Variants in USH2A observed in about 807,000 individuals in gnomAD.
USH2A encodes usherin.
In USH2A, 443 loss-of-function variants were observed where a neutral mutation model predicts 538.9. The ratio of observed to expected loss-of-function variants is 0.82; its 90% CI spans 0.76 to 0.89. USH2A has a LOEUF of 0.89. Among genes scored for constraint, USH2A ranks in the 40% least tolerant of loss-of-function variants. The probability of loss-of-function intolerance (pLI) is 0.00; values close to 1 mark genes in which losing one functional copy is unlikely to be tolerated. For missense variants in USH2A, 6,633 were observed against 6,324.8 expected (o/e 1.05, Z -1.65); for synonymous variants, 2,413 against 2,273.5 (o/e 1.06, Z -1.75).
intron 9 of USH2A, among the ~76,000 whole-genome samples, chr1:216,319,891 A>C (rs960788969): frequency 7.2e-5 from 11 of 152,168 alleles, no homozygotes; most frequent in African/African-American, 2.7e-4. Context: ...TCCTAAAATA[A>C]ATTTCACAGA....
At chr1:216,016,713 T>C (rs1668720826) in intron 32 of USH2A, among the ~76,000 whole-genome samples, 1 of 152,152 alleles carries the variant, frequency 6.6e-6, no homozygotes, top group Non-Finnish European at 1.5e-5. Context: ...ACACTCCTAA[T>C]TGTTGAATAG....
intron 70 of USH2A, chr1:215,629,895 C>T: frequency 3.5e-6 from 1 of 285,980 alleles, no homozygotes; most frequent in Non-Finnish European, 6.9e-6. Context: ...CCTGCCTCAG[C>T]CTCCCGAGTA....
At chr1:216,318,153 C>A (rs931531879) in intron 9 of USH2A, among the ~76,000 whole-genome samples, 8 of 152,130 alleles carry the variant, frequency 5.3e-5, no homozygotes. Flanking sequence ...TATTTTCAGT[C>A]CTTACATTTT....
intron 43 of USH2A, among the ~76,000 whole-genome samples, chr1:215,875,922 TATTG>T (rs199540609): frequency 0.035 from 5,043 of 145,392 alleles, 145 homozygotes; most frequent in East Asian, 0.14. Flanking sequence ...ATATAATATA[TATTG>T]ATTATTATAT....
In USH2A at chr1:216,246,751, C is replaced by T. The variant is rs1286317611; in HGVS notation, c.2643G>A (p.Gln881=). The T allele has an allele frequency of 1.2e-6, 2 of 1,614,144 alleles. No individual in the cohort carries two copies. Among genetic ancestry groups the T allele is most frequent in the Admixed American group, 3.3e-5 (2 of 60,016 alleles). The change falls in exon 13 of 72, where the codon CAG becomes CAA. Residue 881 remains glutamine (Q), a synonymous_variant. Transcript: ENST00000307340. The part of the protein sequence containing the change: ...KLGVTGLRCN[Q]CEPHRYNLTI... Reference sequence around the variant, plus strand: ...TCAAATTGTACCTGTGAGGCTCACACTGATTACAGCGAAGACCTGTTACCC... The same window carrying T: ...TCAAATTGTACCTGTGAGGCTCACATTGATTACAGCGAAGACCTGTTACCC...
intron 32 of USH2A, among the ~76,000 whole-genome samples, chr1:216,029,648 G>T (rs1213791923): frequency 1.3e-5 from 2 of 151,830 alleles, no homozygotes; most frequent in Non-Finnish European, 2.9e-5. Context: ...TACAAACCAG[G>T]ATATATAGGG....
At chr1:215,720,222 G>A (rs1659615128) in intron 61 of USH2A, among the ~76,000 whole-genome samples, 1 of 152,100 alleles carries the variant, frequency 6.6e-6, no homozygotes, top group South Asian at 2.1e-4. Flanking sequence ...AGAGGCTTTG[G>A]TTATATCTTT....
intron 61 of USH2A, among the ~76,000 whole-genome samples, chr1:215,682,758 A>G (rs1256532359): frequency 6.6e-6 from 1 of 152,156 alleles, no homozygotes; most frequent in African/African-American, 2.4e-5. Flanking sequence ...TGTATCTAAA[A>G]AAAAAAGGGA....
In USH2A at chr1:216,318,295, A is replaced by C. The variant is rs1012133748; in HGVS notation, c.1644+3588T>G. The stretch of plus-strand genomic sequence containing the variant: ...ATTATGTCCAGGTCTTAAAAAGAAC[A>C]TGGATCCCAATAGGAAGTGAATGGC... On this transcript the variant is annotated intron_variant, in intron 9 of 71. Coordinates refer to ENST00000307340, the MANE Select transcript of USH2A (RefSeq NM_206933.4). Among the ~76,000 whole-genome samples, 9 of 152,340 alleles carry C rather than the reference A, an allele frequency of 5.9e-5. No individual in the cohort carries two copies. The South Asian group carries it at 1.9e-3, about 32-fold the overall frequency.
At chr1:215,690,253 C>T (rs1178346296) in intron 61 of USH2A, among the ~76,000 whole-genome samples, 1 of 152,172 alleles carries the variant, frequency 6.6e-6, no homozygotes, top group African/African-American at 2.4e-5. Flanking sequence ...AGAGGAGTTG[C>T]TTTCCATAGA....
intron 61 of USH2A, among the ~76,000 whole-genome samples, chr1:215,718,591 G>A (rs763443340): frequency 1.3e-5 from 2 of 152,182 alleles, no homozygotes; most frequent in Admixed American, 6.5e-5. Flanking sequence ...TATTACAGCT[G>A]TTACAGTGGT....
At chr1:216,248,227 G>A (rs917774826) in intron 12 of USH2A, among the ~76,000 whole-genome samples, 6 of 151,816 alleles carry the variant, frequency 4.0e-5, no homozygotes, top group African/African-American at 7.3e-5. Flanking sequence ...TACATTTTAC[G>A]AATGAAGAAA....
intron 21 of USH2A, among the ~76,000 whole-genome samples, chr1:216,172,544 T>A (rs1490123608): frequency 2.6e-5 from 4 of 152,144 alleles, no homozygotes; most frequent in Admixed American, 2.6e-4. Context: ...TGCCTCAGAA[T>A]ATAAAAACTG....
At chr1:216,324,021 G>T in intron 7 of USH2A, 147 bp downstream of exon 7, 1 of 853,656 alleles carries the variant, frequency 1.2e-6, no homozygotes, top group Non-Finnish European at 1.8e-6. Flanking sequence ...ATAGTTTTAA[G>T]CCCAATTTAG....
At chr1:216,334,835 T>C (rs138902686) in intron 4 of USH2A, among the ~76,000 whole-genome samples, 1 of 151,800 alleles carries the variant, frequency 6.6e-6, no homozygotes, top group Non-Finnish European at 1.5e-5. Context: ...AGAGAAAAAT[T>C]CACCATTTAA....
chr1:216,107,596 T>G (rs937955613), intron 21 of USH2A, among the ~76,000 whole-genome samples: 8 of 151,778 alleles, frequency 5.3e-5, no homozygotes, highest in African/African-American at 1.9e-4. Flanking sequence ...TTGTGTTATG[T>G]GCATTTATAT....
chr1:215,814,193 AT>A (rs1662792381), intron 48 of USH2A, among the ~76,000 whole-genome samples: 1 of 145,494 alleles, frequency 6.9e-6, no homozygotes, highest in Admixed American at 7.3e-5. Flanking sequence ...TATATCTTTT[AT>A]TTTATTATAT....
chr1:215,689,917 C>T (rs2102680397), intron 61 of USH2A, among the ~76,000 whole-genome samples: 1 of 152,278 alleles, frequency 6.6e-6, no homozygotes, highest in African/African-American at 2.4e-5. Context: ...TGTGAGATAA[C>T]AAGTAGAAAT....
intron 64 of USH2A, among the ~76,000 whole-genome samples, chr1:215,653,897 T>C (rs187704754): frequency 6.6e-6 from 1 of 152,178 alleles, no homozygotes; most frequent in Non-Finnish European, 1.5e-5. Flanking sequence ...AGATCCCACA[T>C]AGAAAACTTT....
Sources: gnomAD v4.1 joint callset for allele counts (sites outside exome capture counted in the v4.1 genomes callset) on GRCh38, gnomAD v4.1.1 for gene constraint, MANE v1.5 for transcripts, NCBI Gene and HGNC (gene_info 2026-07-23, HGNC 2026-07-21) for gene names.